The following MBP variants were observed in gnomAD, a reference collection of about 807,000 sequenced individuals.
MBP encodes the protein myelin basic protein, also known as Golli-MBP.
MBP carries 16 observed loss-of-function variants against 35.8 expected under a neutral mutation model. That is an observed-to-expected ratio of 0.45 (90% CI 0.30 to 0.68). The LOEUF is 0.68. MBP is among the 30% of genes least tolerant of loss of function. MBP has a pLI of 0.08. For synonymous variants in MBP, 143 were observed against 159.6 expected (o/e 0.90, Z 0.78); for missense variants, 380 against 404.7 (o/e 0.94, Z 0.52).
intron 1 of MBP, among the ~76,000 whole-genome samples, chr18:77,129,608 T>C (rs189488353): frequency 7.9e-5 from 12 of 152,332 alleles, no homozygotes; most frequent in Admixed American, 7.8e-4. Context: ...GCATTTCTGC[T>C]CAGCTGGCAT....
intron 4 of MBP, among the ~76,000 whole-genome samples, chr18:77,001,458 C>T (rs560806646): frequency 2.6e-5 from 4 of 152,316 alleles, no homozygotes; most frequent in African/African-American, 4.8e-5. Flanking sequence ...AACAGATGGG[C>T]GAGGTATTGG....
intron 2 of MBP, among the ~76,000 whole-genome samples, chr18:77,098,498 A>C (rs1255101907): frequency 6.6e-6 from 1 of 152,232 alleles, no homozygotes; most frequent in Non-Finnish European, 1.5e-5. Context: ...CAAGCATTTA[A>C]AACATTCCTT....
chr18:77,083,235 G>A (rs1975050810), intron 2 of MBP, among the ~76,000 whole-genome samples: 2 of 152,138 alleles, frequency 1.3e-5, no homozygotes, highest in Admixed American at 1.3e-4. Context: ...CCAATGTGCT[G>A]GGCTTACAGA....
At chr18:77,046,018 G>A (rs1322534500) in intron 3 of MBP, among the ~76,000 whole-genome samples, 1 of 152,220 alleles carries the variant, frequency 6.6e-6, no homozygotes, top group Non-Finnish European at 1.5e-5. Flanking sequence ...CACCAGGAGG[G>A]AGAGCTTCAT....
chr18:77,070,906 T>C (rs1974415808), intron 2 of MBP, among the ~76,000 whole-genome samples: 1 of 152,160 alleles, frequency 6.6e-6, no homozygotes, highest in Non-Finnish European at 1.5e-5. Flanking sequence ...CCCGCTCAGG[T>C]GCTTGTTCCC....
At chr18:77,040,128 CAA>C (rs2144617137) in intron 3 of MBP, among the ~76,000 whole-genome samples, 1 of 152,320 alleles carries the variant, frequency 6.6e-6, no homozygotes, top group South Asian at 2.1e-4. Context: ...CTTTAAGAAC[CAA>C]ATTTTAGTCT....
intron 4 of MBP, chr18:77,015,437 T>C (rs1971573504): frequency 1.0e-6 from 1 of 985,310 alleles, no homozygotes; most frequent in African/African-American, 1.7e-5. Flanking sequence ...CCAGTTGAAA[T>C]TAGCATTAGA....
intron 2 of MBP, among the ~76,000 whole-genome samples, chr18:77,087,921 G>C (rs538948994): frequency 6.6e-6 from 1 of 152,250 alleles, no homozygotes; most frequent in South Asian, 2.1e-4. Context: ...GATGGGGCAG[G>C]GGTCTCCGGG....
intron 4 of MBP, chr18:77,013,356 G>A: frequency 1.0e-6 from 1 of 985,442 alleles, no homozygotes; most frequent in African/African-American, 1.7e-5. Flanking sequence ...CTTCCGTGCT[G>A]TCTACTGTAT....
intron 8 of MBP, chr18:76,980,929 C>T (rs1191278024): frequency 6.1e-6 from 1 of 163,922 alleles, no homozygotes; most frequent in Non-Finnish European, 1.3e-5. Context: ...AAGAGCAAAG[C>T]CACGTGTCCA....
chr18:77,046,959 C>T lies in MBP; in HGVS notation c.139+19339G>A, dbSNP rs186264823. 5.5e-3 allele frequency among the ~76,000 whole-genome samples: 843 copies of T among 152,362 alleles called. 11 individuals carry two copies. The highest frequency in any genetic ancestry group is 0.019 in the African/African-American group (793 of 41,584). ...CATCAGGGCCTCCATCCCTCAGCTG[C>T]CTGCAAGCTCCACATCTTCATGGAG... On this transcript the variant is annotated intron_variant, in intron 3 of 8. Transcript: ENST00000355994.
intron 7 of MBP, 120 bp from the exon 8 acceptor site, chr18:76,985,014 G>A (rs1969462392): frequency 6.5e-7 from 1 of 1,531,492 alleles, no homozygotes; most frequent in Non-Finnish European, 8.8e-7. Context: ...GGACTGGTGA[G>A]TGGTTCAGGA....
chr18:77,001,938 GT>G (rs1353504382), intron 4 of MBP, among the ~76,000 whole-genome samples: 2 of 152,230 alleles, frequency 1.3e-5, no homozygotes, highest in Non-Finnish European at 2.9e-5. Flanking sequence ...ACACAGCCAC[GT>G]GTTGGAACAT....
intron 2 of MBP, among the ~76,000 whole-genome samples, chr18:77,087,068 T>C (rs1415999811): frequency 2.6e-5 from 4 of 152,210 alleles, no homozygotes; most frequent in African/African-American, 9.6e-5. Flanking sequence ...AGCCCCTTTA[T>C]TAATTCCATA....
At chr18:77,018,856 TCATCCATCTATCCATC>T (rs1354416349) in intron 3 of MBP, among the ~76,000 whole-genome samples, 1,455 of 96,498 alleles carry the variant, frequency 0.015, 39 homozygotes, top group African/African-American at 0.054. Context: ...ATCCATCCAC[TCATCCATCTATCCATC>T]CATCCATCCA....
At chr18:77,002,296 G>A (rs892315601) in intron 4 of MBP, among the ~76,000 whole-genome samples, 6 of 152,224 alleles carry the variant, frequency 3.9e-5, no homozygotes, top group African/African-American at 1.2e-4. Context: ...CGGCTGTGGA[G>A]CCTTAGCAAG....
intron 3 of MBP, among the ~76,000 whole-genome samples, chr18:77,028,984 A>G (rs1394379839): frequency 9.5e-6 from 1 of 105,648 alleles, no homozygotes; most frequent in Non-Finnish European, 2.4e-5. Flanking sequence ...CCAGGCAGAG[A>G]CGCTCCTCAC....
chr18:77,116,169 C>T (rs1481457544), intron 1 of MBP, among the ~76,000 whole-genome samples: 1 of 151,806 alleles, frequency 6.6e-6, no homozygotes, highest in Non-Finnish European at 1.5e-5. Flanking sequence ...CAGCACTTTA[C>T]TGGGCAACTG....
intron 4 of MBP, among the ~76,000 whole-genome samples, chr18:76,993,368 T>C (rs1406548267): frequency 2.2e-5 from 2 of 91,514 alleles, no homozygotes; most frequent in African/African-American, 7.2e-5. Context: ...CCCTGGGCAA[T>C]ATGGTGAAAC....
Sources: allele counts gnomAD v4.1 joint callset (sites outside exome capture counted in the v4.1 genomes callset), GRCh38; gene constraint gnomAD v4.1.1; transcripts MANE v1.5; gene names NCBI Gene and HGNC (gene_info 2026-07-23, HGNC 2026-07-21).